NPSR1: variants seen among roughly 807,000 people sequenced by gnomAD.
The protein encoded by NPSR1 is neuropeptide S receptor 1, also known as neuropeptide S receptor.
In NPSR1, 48 loss-of-function variants were observed where a neutral mutation model predicts 46.9. The observed-to-expected ratio is 1.02, with a 90% CI of 0.81 to 1.30. The LOEUF (loss-of-function observed/expected upper bound fraction) is 1.30, where lower values mean the gene tolerates loss of function less well. NPSR1 is among the 50% of genes most tolerant of loss of function. NPSR1 has a pLI of 0.00. For synonymous variants in NPSR1, 176 were observed against 168.1 expected (o/e 1.05, Z -0.36); for missense variants, 450 against 449.5 (o/e 1.00, Z -0.01).
At chr7:34,767,231 C>A (rs1786477400) in intron 2 of NPSR1, among the ~76,000 whole-genome samples, 2 of 152,096 alleles carry the variant, frequency 1.3e-5, no homozygotes, top group Non-Finnish European at 2.9e-5. Flanking sequence ...CTGATATTGA[C>A]CAGGTAGAGC....
At chr7:34,779,013 A>C (rs1349452521) in intron 3 of NPSR1, among the ~76,000 whole-genome samples, 1 of 152,182 alleles carries the variant, frequency 6.6e-6, no homozygotes, top group African/African-American at 2.4e-5. Context: ...TTTTTAAAGT[A>C]TCTATTGGCA....
In NPSR1 at chr7:34,792,713, ATT is replaced by A. The variant is rs1554331557; in HGVS notation, c.384+14150_384+14151del. ...TGTATATATATACGTATATATATAT[ATT>A]TATATATATATATATATATTAGCCA... On this transcript the variant is annotated intron_variant, in intron 3 of 8. Coordinates refer to ENST00000360581, the MANE Select transcript of NPSR1 (RefSeq NM_207172.2). 5.5e-5 allele frequency among the ~76,000 whole-genome samples: 5 copies of A among 90,626 alleles called. 1 individual carries two copies. The highest frequency in any genetic ancestry group is 5.6e-4 in the East Asian group (2 of 3,590). The allele number at this position is 90,626 out of a possible 152,430, so 59.5% of individuals were successfully genotyped here. A position where few individuals can be genotyped will look rare whatever the true frequency, so the allele number is the denominator to read the frequency against.
At chr7:34,840,333 G>C (rs924179463) in intron 6 of NPSR1, among the ~76,000 whole-genome samples, 1 of 152,106 alleles carries the variant, frequency 6.6e-6, no homozygotes, top group African/African-American at 2.4e-5. Flanking sequence ...TGTAAGTTCT[G>C]GGTCACAGAA....
intron 6 of NPSR1, among the ~76,000 whole-genome samples, chr7:34,841,422 A>G (rs1430697925): frequency 6.6e-6 from 1 of 152,230 alleles, no homozygotes; most frequent in East Asian, 1.9e-4. Flanking sequence ...ATACTGTGGA[A>G]CTAAAACAGT....
At chr7:34,784,950 A>G (rs1007962720) in intron 3 of NPSR1, among the ~76,000 whole-genome samples, 7 of 152,134 alleles carry the variant, frequency 4.6e-5, no homozygotes, top group Non-Finnish European at 4.4e-5. Flanking sequence ...AAACTAGATC[A>G]ACCATTGTGG....
At chr7:34,695,295 T>C (rs1220648168) in intron 2 of NPSR1, among the ~76,000 whole-genome samples, 2 of 152,148 alleles carry the variant, frequency 1.3e-5, no homozygotes, top group Non-Finnish European at 1.5e-5. Context: ...CCTATGACAA[T>C]ATACAAACAT....
intron 1 of NPSR1, among the ~76,000 whole-genome samples, chr7:34,666,844 A>C (rs113704341): frequency 9.6e-4 from 146 of 152,280 alleles, no homozygotes; most frequent in African/African-American, 3.3e-3. Context: ...AAGAGATTGA[A>C]TAGATTCTTA....
intron 4 of NPSR1, among the ~76,000 whole-genome samples, chr7:34,824,311 A>G (rs1458989643): frequency 6.6e-6 from 1 of 152,228 alleles, no homozygotes; most frequent in Non-Finnish European, 1.5e-5. Flanking sequence ...AGCGGCAGAG[A>G]AGTACAGAAA....
At chr7:34,668,687 A>G (rs1163278019) in intron 1 of NPSR1, among the ~76,000 whole-genome samples, 6 of 152,332 alleles carry the variant, frequency 3.9e-5, no homozygotes, top group African/African-American at 1.4e-4. Flanking sequence ...GTAATCTCTC[A>G]GGGAACCAGT....
chr7:34,676,158 A>G (rs1792306823), intron 1 of NPSR1, among the ~76,000 whole-genome samples: 1 of 152,178 alleles, frequency 6.6e-6, no homozygotes, highest in Non-Finnish European at 1.5e-5. Flanking sequence ...TCAAATGTAC[A>G]TATGTAGTCC....
chr7:34,846,046 A>T (rs1790731505), intron 7 of NPSR1, among the ~76,000 whole-genome samples: 1 of 152,176 alleles, frequency 6.6e-6, no homozygotes, highest in Non-Finnish European at 1.5e-5. Context: ...AGCCAGCAGG[A>T]CGTAGGCACA....
intron 6 of NPSR1, among the ~76,000 whole-genome samples, chr7:34,838,334 T>TA (rs1790448458): frequency 6.6e-6 from 1 of 152,252 alleles, no homozygotes. Context: ...CGCCACTTTT[T>TA]ATTCTTTAAT....
At chr7:34,787,334 AAG>A (rs1361582273) in intron 3 of NPSR1, among the ~76,000 whole-genome samples, 1 of 152,272 alleles carries the variant, frequency 6.6e-6, no homozygotes. Flanking sequence ...CATAGAGGTG[AAG>A]AGAGTTTAAG....
intron 2 of NPSR1, among the ~76,000 whole-genome samples, chr7:34,770,142 C>T (rs1012591349): frequency 6.6e-6 from 1 of 152,150 alleles, no homozygotes; most frequent in African/African-American, 2.4e-5. Context: ...TACATAACCA[C>T]TTAGGTCTAG....
rs1216989661 is a variant in NPSR1, at chr7:34,658,529, G to A, written c.117G>A (p.Lys39=). 2.5e-6 allele frequency: 4 copies of A among 1,614,138 alleles called. No individual in the cohort carries two copies. Among genetic ancestry groups the A allele is most frequent in the Admixed American group, 1.7e-5 (1 of 60,032 alleles). Residue 39 remains lysine (K), a synonymous_variant, in exon 1 of 9, where the codon AAG becomes AAA. Transcript: ENST00000360581. ...CTTTTACTGAAGTGGTGGAAGGAAAGGAATGGGGTTCCTTCTACTACTCCT... is the reference window on the plus strand; with the variant it reads ...CTTTTACTGAAGTGGTGGAAGGAAAAGAATGGGGTTCCTTCTACTACTCCT... The part of the protein sequence containing the change: ...TVTFTEVVEG[K]EWGSFYYSFK...
intron 3 of NPSR1, among the ~76,000 whole-genome samples, chr7:34,804,659 T>C (rs1209369251): frequency 6.8e-6 from 1 of 146,658 alleles, no homozygotes; most frequent in Non-Finnish European, 1.5e-5. Context: ...AACACTGAAC[T>C]AGATGTCTTA....
rs187704317 is a variant in NPSR1 at position 34,868,707 on chromosome 7, A to G, written c.1026-9369A>G. On this transcript the variant is annotated intron_variant, in intron 8 of 8. Transcript: ENST00000359791. ...AGAGGGGCAGCTCTCACAGTATTGT[A>G]GTCTTGGTCACTCGTGTTTGCCCCC... is the stretch of plus-strand genomic sequence containing the variant. Among the ~76,000 whole-genome samples, 62 of 151,800 alleles carry G rather than the reference A, an allele frequency of 4.1e-4. 2 individuals carry two copies. Among genetic ancestry groups the G allele is most frequent in the African/African-American group, 9.7e-4 (40 of 41,088 alleles).
Position 34,791,008 on chromosome 7 carries a change from GTTATATTATATATGTTATATGTTATATA to G in NPSR1, c.384+12501_384+12528del, listed in dbSNP as rs1562730452. Reference sequence around the variant, plus strand: ...ATATTATATATGTTATATGTTATATGTTATATTATATATGTTATATGTTATATATTATATTATATATGTTATATGTTAT... The same window carrying G: ...ATATTATATATGTTATATGTTATATGTTATATTATATATGTTATATGTTAT... On this transcript the variant is annotated intron_variant, in intron 3 of 8. Coordinates refer to ENST00000360581, the MANE Select transcript of NPSR1 (RefSeq NM_207172.2). 1.2e-3 allele frequency among the ~76,000 whole-genome samples: 119 copies of G among 102,128 alleles called. 1 individual carries two copies. The highest frequency in any genetic ancestry group is 0.01 in the Middle Eastern group (1 of 96). 67.0% of individuals were successfully genotyped at this position (102,128 alleles called of 152,430 possible).
chr7:34,716,569 G>A (rs1783580641), intron 2 of NPSR1, among the ~76,000 whole-genome samples: 1 of 152,076 alleles, frequency 6.6e-6, no homozygotes, highest in African/African-American at 2.4e-5. Flanking sequence ...TTTTTCATGA[G>A]GTTAGTATGA....
Sources: gnomAD v4.1 joint callset for allele counts (sites outside exome capture counted in the v4.1 genomes callset) on GRCh38, gnomAD v4.1.1 for gene constraint, MANE v1.5 for transcripts, NCBI Gene and HGNC (gene_info 2026-07-23, HGNC 2026-07-21) for gene names.